CD80: variants seen among roughly 807,000 people sequenced by gnomAD.
CD80 encodes T-lymphocyte activation antigen CD80.
A neutral mutation model predicts 27.1 loss-of-function variants in CD80; 13 were observed. The ratio of observed to expected loss-of-function variants is 0.48; its 90% CI spans 0.31 to 0.76. The LOEUF (loss-of-function observed/expected upper bound fraction) is 0.76, where lower values mean the gene tolerates loss of function less well. CD80 is among the 30% of genes least tolerant of loss of function. The probability of loss-of-function intolerance (pLI) is 0.04; values close to 1 mark genes in which losing one functional copy is unlikely to be tolerated. For missense variants in CD80, 277 were observed against 347.9 expected, an observed-to-expected ratio of 0.80 and a Z score of 1.62; for synonymous variants, 125 against 125.5, an observed-to-expected ratio of 1.00 and a Z score of 0.03.
rs1158756197 is a variant in CD80 at position 119,556,146 on chromosome 3, G to GT, written c.100+1482dup. ...ACTTTTATGGCCCACCTGGCACACAGTAGGTGCTTCATTGACTCAGTCACA... is the reference window on the plus strand; with the variant it reads ...ACTTTTATGGCCCACCTGGCACACAGTTAGGTGCTTCATTGACTCAGTCACA... On this transcript the variant is annotated intron_variant, in intron 2 of 6. Transcript: ENST00000264246. 2.0e-5 allele frequency among the ~76,000 whole-genome samples: 3 copies of GT among 152,326 alleles called. No homozygotes were observed. In the East Asian group the frequency reaches 5.8e-4, roughly 29 times the overall value.
chr3:119,554,048 T>C (rs548936860), intron 2 of CD80, among the ~76,000 whole-genome samples: 14 of 152,372 alleles, frequency 9.2e-5, no homozygotes, highest in Non-Finnish European at 2.1e-4. Flanking sequence ...GTTCACACTG[T>C]TCCTGACTTT....
chr3:119,548,758 C>T (rs189952269), intron 2 of CD80, among the ~76,000 whole-genome samples: 207 of 152,108 alleles, frequency 1.4e-3, no homozygotes, highest in African/African-American at 4.6e-3. Flanking sequence ...AGTCCCAGGC[C>T]GGGCATCATG....
At chr3:119,538,988 G>A (rs965122965) in intron 3 of CD80, among the ~76,000 whole-genome samples, 2 of 152,044 alleles carry the variant, frequency 1.3e-5, no homozygotes, top group African/African-American at 4.8e-5. Context: ...TTTTTAATTT[G>A]CATATTTATT....
intron 2 of CD80, among the ~76,000 whole-genome samples, chr3:119,547,200 A>G (rs1336044318): frequency 6.6e-6 from 1 of 152,222 alleles, no homozygotes; most frequent in Non-Finnish European, 1.5e-5. Flanking sequence ...TAGTTGTGTG[A>G]CCTTAAGCAA....
intron 6 of CD80, among the ~76,000 whole-genome samples, chr3:119,526,546 G>T (rs769571887): frequency 2.6e-4 from 40 of 152,214 alleles, no homozygotes; most frequent in Non-Finnish European, 5.0e-4. Flanking sequence ...AGGGAAAGGA[G>T]CCTGAACTTG....
At chr3:119,533,679 TCCTTG>T (rs1298431362) in intron 4 of CD80, among the ~76,000 whole-genome samples, 3 of 152,224 alleles carry the variant, frequency 2.0e-5, no homozygotes, top group Non-Finnish European at 2.9e-5. Context: ...GACTTGCTCC[TCCTTG>T]CCTTCTGCCA....
intron 3 of CD80, 29 bp downstream of exon 3, chr3:119,544,521 C>T: frequency 6.3e-7 from 1 of 1,599,712 alleles, no homozygotes; most frequent in Non-Finnish European, 8.6e-7. Context: ...ATCTGCCGGC[C>T]TAGAGTAAAA....
chr3:119,548,547 T>C (rs1414895240), intron 2 of CD80, among the ~76,000 whole-genome samples: 1 of 152,212 alleles, frequency 6.6e-6, no homozygotes, highest in Non-Finnish European at 1.5e-5. Flanking sequence ...TGGCCTTATC[T>C]TACAAATGAG....
chr3:119,541,119 T>G (rs533974952), intron 3 of CD80, among the ~76,000 whole-genome samples: 23 of 152,272 alleles, frequency 1.5e-4, no homozygotes, highest in African/African-American at 5.3e-4. Flanking sequence ...ACCTTTTTTC[T>G]AAGGTGATCT....
chr3:119,557,011 A>G (rs1307878713), intron 2 of CD80, among the ~76,000 whole-genome samples: 4 of 152,242 alleles, frequency 2.6e-5, no homozygotes, highest in African/African-American at 2.4e-5. Flanking sequence ...GGCAGATTAA[A>G]AATAACTAAA....
intron 4 of CD80, among the ~76,000 whole-genome samples, chr3:119,531,185 G>A (rs938412642): frequency 1.3e-5 from 2 of 152,232 alleles, no homozygotes; most frequent in South Asian, 4.1e-4. Context: ...CAGAGTTGTT[G>A]ATTCAAGACT....
intron 3 of CD80, among the ~76,000 whole-genome samples, chr3:119,540,662 C>T (rs1206889335): frequency 6.6e-6 from 1 of 152,108 alleles, no homozygotes; most frequent in African/African-American, 2.4e-5. Context: ...AACTCATATC[C>T]TAAATTATTA....
At position 119,531,678 on chromosome 3, in the gene CD80, A is replaced by ATTTAG. The variant is rs543291233; in HGVS notation, c.701-1742_701-1741insCTAAA. On this transcript the variant is annotated intron_variant, in intron 4 of 6. Transcript: ENST00000264246. The stretch of plus-strand genomic sequence containing the variant: ...ATTTATTTATTTATTTATTTATTTA[A>ATTTAG]GACGGACTTTCACTGTGTTTCCCAG... 9.1e-3 allele frequency among the ~76,000 whole-genome samples: 649 copies of ATTTAG among 71,650 alleles called. 5 individuals carry two copies. The highest frequency in any genetic ancestry group is 0.017 in the Non-Finnish European group (463 of 26,920). The allele number at this position is 71,650 out of a possible 152,430, so 47.0% of individuals were successfully genotyped here.
At chr3:119,551,224 A>G (rs1424783886) in intron 2 of CD80, among the ~76,000 whole-genome samples, 1 of 152,204 alleles carries the variant, frequency 6.6e-6, no homozygotes, top group Non-Finnish European at 1.5e-5. Flanking sequence ...TAGAATCATA[A>G]CCTTGAGCAA....
chr3:119,537,007 TG>T (rs1264531047), intron 4 of CD80, 129 bp downstream of exon 4: 2 of 862,506 alleles, frequency 2.3e-6, no homozygotes, highest in South Asian at 1.6e-5. Context: ...AAATACACTC[TG>T]ATGTTCAGAC....
chr3:119,559,527 T>C lies in CD80; in HGVS notation c.-288A>G, dbSNP rs1432879185. ...TGAGATGTTCTCTTCTTACAGTCTA[T>C]AAAGCAATGACAAATCACTTTTTCT... is the stretch of plus-strand genomic sequence containing the variant. On this transcript the variant is annotated 5_prime_UTR_variant, in exon 1 of 7. Transcript: ENST00000264246. The C allele has an allele frequency of 6.6e-6, 1 of 152,268 alleles. No homozygotes were observed. The highest frequency in any genetic ancestry group is 2.4e-5 in the African/African-American group (1 of 41,472). The allele number at this position is 152,268 out of a possible 1,614,324, so 9.4% of individuals were successfully genotyped here. A position where few individuals can be genotyped will look rare whatever the true frequency, so the allele number is the denominator to read the frequency against.
At chr3:119,534,030 A>C (rs2082123448) in intron 4 of CD80, among the ~76,000 whole-genome samples, 1 of 152,178 alleles carries the variant, frequency 6.6e-6, no homozygotes, top group Admixed American at 6.6e-5. Context: ...TTAAGTTAGC[A>C]AACTATAGCA....
Position 119,527,768 on chromosome 3 carries a change from CTG to C in CD80, c.*1_*2del, listed in dbSNP as rs2082076237. 2 of 1,612,990 alleles carry C rather than the reference CTG, an allele frequency of 1.2e-6. No homozygotes were observed. The highest frequency in any genetic ancestry group is 1.7e-6 in the Non-Finnish European group (2 of 1,178,972). On this transcript the variant is annotated 3_prime_UTR_variant, in exon 6 of 7. Transcript: ENST00000264246. Reference sequence around the variant, plus strand: ...TTTCAGCCCCTTGCTTCTGCGGACACTGTTATACAGGGCGTACACTTTCCCTT... The same window carrying C: ...TTTCAGCCCCTTGCTTCTGCGGACACTTATACAGGGCGTACACTTTCCCTT...
rs2107738809 is a variant in CD80, at chr3:119,527,879, G to A, written c.797-38C>T. The A allele has an allele frequency of 2.6e-6, 4 of 1,562,748 alleles. No individual in the cohort carries two copies. In the South Asian group the frequency reaches 4.4e-5, roughly 17 times the overall value. On this transcript the variant is annotated intron_variant, in intron 5 of 6. Transcript: ENST00000264246. The stretch of plus-strand genomic sequence containing the variant: ...AACAAACAATAAAAATGATAAGTAA[G>A]TTTCCCTTGAATTGTGCCCATATGT...
Sources: allele counts gnomAD v4.1 joint callset (sites outside exome capture counted in the v4.1 genomes callset), GRCh38; gene constraint gnomAD v4.1.1; transcripts MANE v1.5; gene names NCBI Gene and HGNC (gene_info 2026-07-23, HGNC 2026-07-21).